Variants in RBFOX1 observed in about 807,000 individuals in gnomAD.
RBFOX1 encodes the protein RNA binding protein fox-1 homolog 1.
RBFOX1 carries 8 observed loss-of-function variants against 57.7 expected under a neutral mutation model. That is an observed-to-expected ratio of 0.14 (90% CI 0.08 to 0.25). The LOEUF (loss-of-function observed/expected upper bound fraction) is 0.25. Among genes scored for constraint, RBFOX1 ranks in the 10% least tolerant of loss-of-function variants. The pLI is 1.00. For synonymous variants in RBFOX1, 326 were observed against 222.4 expected (o/e 1.47, Z -4.15); for missense variants, 611 against 548.5 (o/e 1.11, Z -1.14).
chr16:5,684,336 C>T (rs1217978438), intron 3 of RBFOX1, among the ~76,000 whole-genome samples: 1 of 152,104 alleles, frequency 6.6e-6, no homozygotes. Context: ...TAAGAGAACC[C>T]TGACTAATAC....
intron 2 of RBFOX1, among the ~76,000 whole-genome samples, chr16:6,537,977 C>A (rs1467934667): frequency 1.3e-5 from 2 of 151,470 alleles, no homozygotes; most frequent in East Asian, 1.9e-4. Context: ...CAGTGATTTG[C>A]AGATTAATTC....
chr16:6,283,028 C>A (rs960106999), intron 1 of RBFOX1, among the ~76,000 whole-genome samples: 3 of 152,188 alleles, frequency 2.0e-5, no homozygotes, highest in African/African-American at 7.2e-5. Context: ...CTACATCTGA[C>A]TCTAAAACCC....
intron 1 of RBFOX1, among the ~76,000 whole-genome samples, chr16:6,086,391 T>C (rs1465846920): frequency 1.3e-5 from 2 of 152,216 alleles, no homozygotes; most frequent in Non-Finnish European, 1.5e-5. Flanking sequence ...TTACTCTGTA[T>C]AGTGTTTAAT....
At chr16:6,917,565 CCTT>C (rs1207385220) in intron 3 of RBFOX1, among the ~76,000 whole-genome samples, 2 of 152,186 alleles carry the variant, frequency 1.3e-5, no homozygotes, top group Admixed American at 6.6e-5. Context: ...CTAAGTGTCT[CCTT>C]CTTCTGAAAT....
At chr16:6,806,055 C>A (rs933123138) in intron 3 of RBFOX1, among the ~76,000 whole-genome samples, 7 of 152,148 alleles carry the variant, frequency 4.6e-5, no homozygotes, top group African/African-American at 1.7e-4. Context: ...TATAAGAAGT[C>A]ATCCAGCAGC....
At chr16:6,617,463 T>C (rs2098160411) in intron 2 of RBFOX1, among the ~76,000 whole-genome samples, 1 of 151,636 alleles carries the variant, frequency 6.6e-6, no homozygotes, top group Non-Finnish European at 1.5e-5. Flanking sequence ...AGTTCACTTC[T>C]CATGGATGTA....
At chr16:6,483,218 C>G (rs191306738) in intron 2 of RBFOX1, 5 of 1,215,924 alleles carry the variant, frequency 4.1e-6, no homozygotes, top group Non-Finnish European at 5.1e-6. Flanking sequence ...CCGGGGAAGC[C>G]GGACCCGGGC....
chr16:7,472,420 G>T (rs1599297768), intron 4 of RBFOX1, among the ~76,000 whole-genome samples: 1 of 152,142 alleles, frequency 6.6e-6, no homozygotes, highest in South Asian at 2.1e-4. Flanking sequence ...TAACTCATTT[G>T]GAAGTCAATT....
chr16:6,921,137 C>G (rs944752714), intron 3 of RBFOX1, among the ~76,000 whole-genome samples: 1 of 152,148 alleles, frequency 6.6e-6, no homozygotes, highest in African/African-American at 2.4e-5. Flanking sequence ...CCCCAGGCTG[C>G]CATCTCTTCA....
intron 1 of RBFOX1, among the ~76,000 whole-genome samples, chr16:6,052,715 C>T (rs1353426130): frequency 6.6e-6 from 1 of 151,652 alleles, no homozygotes; most frequent in Non-Finnish European, 1.5e-5. Context: ...ACCCGGGAGG[C>T]GGAGCTTGCA....
intron 1 of RBFOX1, among the ~76,000 whole-genome samples, chr16:6,027,896 G>C (rs965856219): frequency 1.7e-4 from 26 of 152,200 alleles, no homozygotes; most frequent in African/African-American, 6.3e-4. Flanking sequence ...GCCCTGTGTG[G>C]AGTTCCGCCT....
rs1172931172 is a variant in RBFOX1, at chr16:6,434,338, G to T, written c.-64+117281G>T. 4.6e-5 allele frequency among the ~76,000 whole-genome samples: 7 copies of T among 152,028 alleles called. No homozygotes were observed. The East Asian group carries it at 1.4e-3, about 29-fold the overall frequency. On this transcript the variant is annotated intron_variant, in intron 2 of 15. Coordinates refer to ENST00000550418, the MANE Select transcript of RBFOX1 (RefSeq NM_018723.4). Reference sequence around the variant, plus strand: ...CCTTATTCCTCCTACATCTCCAATGGCCAAGGCTTCCTTACTGGCATGGGT... The same window carrying T: ...CCTTATTCCTCCTACATCTCCAATGTCCAAGGCTTCCTTACTGGCATGGGT...
intron 1 of RBFOX1, among the ~76,000 whole-genome samples, chr16:6,144,660 C>T (rs58693201): frequency 0.028 from 4,226 of 152,302 alleles, 200 homozygotes; most frequent in African/African-American, 0.093. Flanking sequence ...ATCAGTCTTC[C>T]GTGGAGAAGC....
At chr16:5,879,732 C>T (rs922735919) in intron 4 of RBFOX1, among the ~76,000 whole-genome samples, 4 of 152,206 alleles carry the variant, frequency 2.6e-5, no homozygotes, top group Admixed American at 6.5e-5. Flanking sequence ...GCTTATTTCT[C>T]TCCCATGCTA....
In RBFOX1 at chr16:6,900,097, C is replaced by T. The variant is rs372265901; in HGVS notation, c.-15-151960C>T. ...ATAAAATGCTTAGAACAGTTCCTGG[C>T]ACATGAAACAAAGGTTTATTTGAGT... On this transcript the variant is annotated intron_variant, in intron 3 of 15. Coordinates refer to ENST00000550418, the MANE Select transcript of RBFOX1 (RefSeq NM_018723.4). Among the ~76,000 whole-genome samples the T allele has an allele frequency of 1.2e-4, 18 of 152,204 alleles. No individual in the cohort carries two copies. In the East Asian group the frequency reaches 2.1e-3, roughly 18 times the overall value.
intron 1 of RBFOX1, among the ~76,000 whole-genome samples, chr16:6,264,365 A>C (rs1050986108): frequency 6.6e-6 from 1 of 152,182 alleles, no homozygotes; most frequent in Non-Finnish European, 1.5e-5. Context: ...TGGGCTCCAG[A>C]GTCATCAAAG....
chr16:5,523,012 G>A (rs9940798), intron 2 of RBFOX1, among the ~76,000 whole-genome samples: 65,279 of 152,014 alleles, frequency 0.43, 15,741 homozygotes, highest in East Asian at 0.96. Flanking sequence ...TGGGGGCTGG[G>A]CATTGTTACT....
intron 4 of RBFOX1, among the ~76,000 whole-genome samples, chr16:7,363,279 G>T (rs1016222264): frequency 1.3e-5 from 2 of 152,142 alleles, no homozygotes; most frequent in Non-Finnish European, 2.9e-5. Context: ...AGATAAACCT[G>T]TCAAGCTGTT....
In RBFOX1 at chr16:5,304,520, T is replaced by C. The variant is rs77042461; in HGVS notation, c.219+64415T>C. Among the ~76,000 whole-genome samples, 321 of 152,302 alleles carry C rather than the reference T, an allele frequency of 2.1e-3. 12 individuals are homozygous for C. The East Asian group carries it at 0.059, about 28-fold the overall frequency. The stretch of plus-strand genomic sequence containing the variant: ...ACATGGACACAAAATCCTATCTCAG[T>C]GCGGCAGAAAGCCAACTTTGCTTCA... On this transcript the variant is annotated intron_variant, in intron 1 of 2. Transcript: ENST00000585867.
Sources: gnomAD v4.1 joint callset for allele counts (sites outside exome capture counted in the v4.1 genomes callset) on GRCh38, gnomAD v4.1.1 for gene constraint, MANE v1.5 for transcripts, NCBI Gene and HGNC (gene_info 2026-07-23, HGNC 2026-07-21) for gene names.